The following CFAP251 variants were observed in gnomAD, a reference collection of about 807,000 sequenced individuals.
CFAP251 encodes cilia- and flagella-associated protein 251.
CFAP251 carries 93 observed loss-of-function variants against 126.7 expected under a neutral mutation model. The observed-to-expected ratio is 0.73, with a 90% CI of 0.62 to 0.87. The LOEUF is 0.87. Among genes scored for constraint, CFAP251 ranks in the 40% least tolerant of loss-of-function variants. CFAP251 has a pLI of 0.00. For synonymous variants in CFAP251, 503 were observed against 506.9 expected (o/e 0.99, Z 0.10); for missense variants, 1,287 against 1,389.2 (o/e 0.93, Z 1.17).
At chr12:121,975,447 A>G in intron 18 of CFAP251, 95 bp from the exon 19 acceptor site, 1 of 1,576,772 alleles carries the variant, frequency 6.3e-7, no homozygotes, top group Non-Finnish European at 8.7e-7. Flanking sequence ...CATTCAGCTT[A>G]AAAGGTACTT....
chr12:121,949,112 C>G (rs1194434308), intron 8 of CFAP251, 51 bp downstream of exon 8: 6 of 1,221,428 alleles, frequency 4.9e-6, no homozygotes, highest in Non-Finnish European at 7.0e-6. Context: ...AGTATGTGTT[C>G]ATTCTTTGAG....
chr12:122,001,981 G>A (rs1883162308), intron 21 of CFAP251: 2 of 234,218 alleles, frequency 8.5e-6, no homozygotes, highest in Admixed American at 9.2e-5. Context: ...CCAGCACTTT[G>A]GGAGGCCAAG....
At chr12:121,964,455 T>C (rs544227692) in intron 15 of CFAP251, among the ~76,000 whole-genome samples, 22 of 152,350 alleles carry the variant, frequency 1.4e-4, no homozygotes, top group Middle Eastern at 3.4e-3. Flanking sequence ...CTGAAGTTCC[T>C]GCTAACAGTC....
chr12:121,972,740 G>C (rs191700011), intron 17 of CFAP251, among the ~76,000 whole-genome samples: 2 of 152,024 alleles, frequency 1.3e-5, no homozygotes, highest in African/African-American at 4.8e-5. Flanking sequence ...CACCTGCCTC[G>C]GCCTCCCAAA....
At chr12:121,959,951 C>CCT (rs1433303165) in intron 13 of CFAP251, among the ~76,000 whole-genome samples, 43 of 151,652 alleles carry the variant, frequency 2.8e-4, no homozygotes, top group African/African-American at 9.5e-4. Context: ...TGGTGAGACA[C>CCT]CCCCCATCTC....
At chr12:121,962,959 G>C (rs1881994641) in intron 15 of CFAP251, among the ~76,000 whole-genome samples, 2 of 152,218 alleles carry the variant, frequency 1.3e-5, no homozygotes, top group South Asian at 4.1e-4. Flanking sequence ...GCATGGGAGA[G>C]CAGGTCAGAG....
chr12:121,942,843 T>A (rs1881177554), intron 6 of CFAP251, 52 bp from the exon 7 acceptor site: 1 of 1,597,586 alleles, frequency 6.3e-7, no homozygotes, highest in African/African-American at 1.3e-5. Flanking sequence ...GTAAGTTACT[T>A]CAGCAGACTT....
chr12:121,963,529 CT>C (rs1882019685), intron 15 of CFAP251, among the ~76,000 whole-genome samples: 1 of 151,120 alleles, frequency 6.6e-6, no homozygotes, highest in Non-Finnish European at 1.5e-5. Context: ...AGGGCGTCCG[CT>C]GCTGGGGAGC....
At chr12:121,928,685 TATACGTATATATATATATA>T (rs1565902767) in intron 3 of CFAP251, among the ~76,000 whole-genome samples, 19 of 33,630 alleles carry the variant, frequency 5.6e-4, no homozygotes, top group Admixed American at 1.5e-3. Flanking sequence ...TATATATATA[TATACGTATATATATATATA>T]TTTTTTTTTT....
At position 121,975,187 on chromosome 12, in the gene CFAP251, T is replaced by C. The variant is rs1395119912; in HGVS notation, c.2772-57T>C. 24 of 1,490,170 alleles carry C rather than the reference T, an allele frequency of 1.6e-5. No individual in the cohort carries two copies. In the Admixed American group the frequency reaches 3.5e-4, roughly 22 times the overall value. 92.3% of individuals were successfully genotyped at this position (1,490,170 alleles called of 1,614,324 possible). A position where few individuals can be genotyped will look rare whatever the true frequency, so the allele number is the denominator to read the frequency against. ...CCGCAGTGCTGTGCGGACCACCTTCTGAGCCATGCTCATGCTTGAGCGCTT... is the reference window on the plus strand; with the variant it reads ...CCGCAGTGCTGTGCGGACCACCTTCCGAGCCATGCTCATGCTTGAGCGCTT... On this transcript the variant is annotated intron_variant, in intron 17 of 21. Transcript: ENST00000288912.
chr12:121,962,811 G>T (rs1881988421), intron 15 of CFAP251, among the ~76,000 whole-genome samples: 1 of 152,152 alleles, frequency 6.6e-6, no homozygotes, highest in Non-Finnish European at 1.5e-5. Context: ...AGAAAGTGAG[G>T]GGGAAGCGAG....
At chr12:121,969,119 C>T (rs1391888537) in intron 17 of CFAP251, 39 of 985,312 alleles carry the variant, frequency 4.0e-5, no homozygotes, top group Admixed American at 1.2e-4. Context: ...CTTCCTTCCT[C>T]GGAAAACAAA....
chr12:121,935,547 T>C (rs917572070), intron 5 of CFAP251, among the ~76,000 whole-genome samples: 2 of 152,246 alleles, frequency 1.3e-5, no homozygotes, highest in Admixed American at 6.5e-5. Context: ...TCCTTGTTTT[T>C]GATGACTGAC....
At chr12:121,951,780 G>A (rs1408267623) in intron 9 of CFAP251, among the ~76,000 whole-genome samples, 1 of 151,926 alleles carries the variant, frequency 6.6e-6, no homozygotes, top group Non-Finnish European at 1.5e-5. Flanking sequence ...GTGCAGTGGC[G>A]TGATCTTGGC....
chr12:121,951,323 T>G, intron 8 of CFAP251, 157 bp from the exon 9 acceptor site: 1 of 464,926 alleles, frequency 2.2e-6, no homozygotes. Flanking sequence ...TTTCAGAATG[T>G]TTTTAGATAT....
chr12:121,938,620 A>C (rs1173432707), intron 5 of CFAP251, among the ~76,000 whole-genome samples: 4 of 146,210 alleles, frequency 2.7e-5, no homozygotes, highest in Non-Finnish European at 4.5e-5. Flanking sequence ...GTGAGCCACC[A>C]TGCCCGGCTC....
chr12:121,973,611 T>G (rs1041525177), intron 17 of CFAP251, among the ~76,000 whole-genome samples: 2 of 152,358 alleles, frequency 1.3e-5, no homozygotes, highest in African/African-American at 4.8e-5. Flanking sequence ...GGGATGGAGC[T>G]GCCCAAGACC....
At chr12:121,981,093 C>T (rs191457984) in intron 19 of CFAP251, among the ~76,000 whole-genome samples, 3 of 152,310 alleles carry the variant, frequency 2.0e-5, no homozygotes, top group African/African-American at 7.2e-5. Flanking sequence ...TCTTAAGAGG[C>T]GATGGGATCG....
intron 19 of CFAP251, chr12:121,992,516 C>T (rs1882899288): frequency 1.0e-6 from 1 of 984,278 alleles, no homozygotes; most frequent in Non-Finnish European, 1.2e-6. Context: ...CTGTTCTGAA[C>T]TGAGTTAAAT....
Sources: allele counts gnomAD v4.1 joint callset (sites outside exome capture counted in the v4.1 genomes callset), GRCh38; gene constraint gnomAD v4.1.1; transcripts MANE v1.5; gene names NCBI Gene and HGNC (gene_info 2026-07-23, HGNC 2026-07-21).